The following CDH18 variants were observed in gnomAD, a reference collection of about 807,000 sequenced individuals.
The protein encoded by CDH18 is cadherin 18.
A neutral mutation model predicts 67.9 loss-of-function variants in CDH18; 31 were observed. The ratio of observed to expected loss-of-function variants is 0.46; its 90% confidence interval spans 0.34 to 0.62. CDH18 has a LOEUF of 0.62. CDH18 is among the 20% of genes least tolerant of loss of function. The pLI is 0.01. For missense variants in CDH18, 890 were observed against 975.5 expected (o/e 0.91, Z 1.17); for synonymous variants, 362 against 347.2 (o/e 1.04, Z -0.48).
intron 2 of CDH18, among the ~76,000 whole-genome samples, chr5:19,840,485 T>A (rs755620135): frequency 5.3e-5 from 8 of 151,944 alleles, no homozygotes; most frequent in Non-Finnish European, 1.2e-4. Context: ...GGCAGATCAC[T>A]TGAGGTCAGG....
intron 1 of CDH18, among the ~76,000 whole-genome samples, chr5:20,313,916 A>C (rs1238126112): frequency 6.6e-6 from 1 of 152,024 alleles, no homozygotes; most frequent in African/African-American, 2.4e-5. Context: ...CAACATGTAC[A>C]TTGCTGCCAA....
intron 1 of CDH18, among the ~76,000 whole-genome samples, chr5:20,455,563 T>C (rs1183860189): frequency 2.6e-5 from 4 of 152,132 alleles, no homozygotes; most frequent in Non-Finnish European, 5.9e-5. Context: ...GTGTCATCAC[T>C]TGAGACTGGG....
intron 7 of CDH18, among the ~76,000 whole-genome samples, chr5:19,590,449 T>C (rs2150022818): frequency 6.6e-6 from 1 of 151,220 alleles, no homozygotes; most frequent in South Asian, 2.1e-4. Context: ...ACAATCCAAA[T>C]AGAAAAGTAT....
chr5:19,480,668 GC>G (rs1367246319), intron 12 of CDH18, among the ~76,000 whole-genome samples: 1 of 152,072 alleles, frequency 6.6e-6, no homozygotes, highest in Middle Eastern at 3.2e-3. Flanking sequence ...GAGCCACCGC[GC>G]CCGGCCATAT....
chr5:19,888,196 G>A (rs1037787722), intron 2 of CDH18, among the ~76,000 whole-genome samples: 7 of 151,988 alleles, frequency 4.6e-5, no homozygotes, highest in Non-Finnish European at 7.4e-5. Context: ...TTGGCCATTT[G>A]CATTTTCACG....
chr5:19,746,597 T>A (rs182037889), intron 4 of CDH18, among the ~76,000 whole-genome samples: 1 of 152,254 alleles, frequency 6.6e-6, no homozygotes, highest in Admixed American at 6.5e-5. Flanking sequence ...TCAAATTGAA[T>A]GTGCTGGTAT....
At chr5:20,218,480 A>G (rs913981608) in intron 2 of CDH18, among the ~76,000 whole-genome samples, 1 of 151,952 alleles carries the variant, frequency 6.6e-6, no homozygotes, top group Non-Finnish European at 1.5e-5. Flanking sequence ...TGATAATGAA[A>G]ACACAATATA....
At chr5:20,283,862 T>G (rs1349193331) in intron 1 of CDH18, among the ~76,000 whole-genome samples, 1 of 151,938 alleles carries the variant, frequency 6.6e-6, no homozygotes, top group Non-Finnish European at 1.5e-5. Context: ...AAATTTCCAT[T>G]GACATAAATC....
chr5:19,870,085 C>T (rs899504572), intron 2 of CDH18, among the ~76,000 whole-genome samples: 4 of 152,180 alleles, frequency 2.6e-5, no homozygotes, highest in African/African-American at 7.2e-5. Context: ...ACTAGCAGTA[C>T]AAAAATACGC....
intron 2 of CDH18, among the ~76,000 whole-genome samples, chr5:19,894,265 C>T (rs1005915215): frequency 6.6e-6 from 1 of 151,876 alleles, no homozygotes; most frequent in African/African-American, 2.4e-5. Context: ...AATTTAATAA[C>T]CACTTGACTA....
chr5:19,610,080 T>C (rs1748697297), intron 6 of CDH18, among the ~76,000 whole-genome samples: 1 of 152,164 alleles, frequency 6.6e-6, no homozygotes, highest in African/African-American at 2.4e-5. Context: ...GAGTGCGAAA[T>C]AAAGTATCTT....
intron 5 of CDH18, among the ~76,000 whole-genome samples, chr5:19,630,779 A>C (rs1315070407): frequency 2.6e-5 from 4 of 152,086 alleles, no homozygotes; most frequent in Non-Finnish European, 5.9e-5. Context: ...TGTATTTGGA[A>C]ATTTGCAAAG....
chr5:19,957,792 A>C (rs191149610), intron 2 of CDH18, among the ~76,000 whole-genome samples: 1 of 152,156 alleles, frequency 6.6e-6, no homozygotes, highest in East Asian at 1.9e-4. Context: ...ATGATGTACA[A>C]TAGAAGACTA....
intron 5 of CDH18, among the ~76,000 whole-genome samples, chr5:19,712,576 A>C (rs1268311079): frequency 6.6e-6 from 1 of 151,780 alleles, no homozygotes; most frequent in East Asian, 1.9e-4. Flanking sequence ...CAATAGACTA[A>C]GTGAAAAAAT....
Position 19,821,406 on chromosome 5 carries a change from C to CA in CDH18, c.228+17352dup, listed in dbSNP as rs566178728. ...ACCCAGTTAACCAAAAAACAAAAAA[C>CA]AAAAAAAAAAAAAAGGAAAAAGAAT... is the stretch of plus-strand genomic sequence containing the variant. On this transcript the variant is annotated intron_variant, in intron 3 of 12. Coordinates refer to ENST00000382275, the MANE Select transcript of CDH18 (RefSeq NM_004934.5). Among the ~76,000 whole-genome samples the CA allele has an allele frequency of 6.6e-3, 615 of 93,316 alleles. 1 individual carries two copies. Among genetic ancestry groups the CA allele is most frequent in the South Asian group, 0.023 (68 of 3,004 alleles). The allele number at this position is 93,316 out of a possible 152,430, so 61.2% of individuals were successfully genotyped here.
At chr5:19,481,924 C>A (rs889214484) in intron 12 of CDH18, among the ~76,000 whole-genome samples, 2 of 152,120 alleles carry the variant, frequency 1.3e-5, no homozygotes. Flanking sequence ...TCCTTACATC[C>A]ATCTTTCTTG....
At chr5:19,594,197 G>A (rs1481428083) in intron 6 of CDH18, among the ~76,000 whole-genome samples, 1 of 151,912 alleles carries the variant, frequency 6.6e-6, no homozygotes, top group Non-Finnish European at 1.5e-5. Flanking sequence ...ATCTCACTCT[G>A]GCTGGAGTGG....
chr5:19,954,850 AG>A (rs1040087773), intron 2 of CDH18, among the ~76,000 whole-genome samples: 3 of 139,450 alleles, frequency 2.2e-5, no homozygotes, highest in Non-Finnish European at 4.4e-5. Context: ...TAACAATCTC[AG>A]GAAAAAAAAA....
At chr5:20,174,587 A>G (rs1737087131) in intron 2 of CDH18, among the ~76,000 whole-genome samples, 1 of 152,204 alleles carries the variant, frequency 6.6e-6, no homozygotes, top group Non-Finnish European at 1.5e-5. Context: ...AAACATGCTA[A>G]TTTAAAGCCT....
Sources: gnomAD v4.1 joint callset for allele counts (sites outside exome capture counted in the v4.1 genomes callset) on GRCh38, gnomAD v4.1.1 for gene constraint, MANE v1.5 for transcripts, NCBI Gene and HGNC (gene_info 2026-07-23, HGNC 2026-07-21) for gene names.